PAX7: variants seen among roughly 807,000 people sequenced by gnomAD.
PAX7 encodes paired box 7.
In PAX7, 18 loss-of-function variants were observed where a neutral mutation model predicts 50.7. The ratio of observed to expected loss-of-function variants is 0.36; its 90% confidence interval spans 0.25 to 0.53. The LOEUF (loss-of-function observed/expected upper bound fraction) is 0.53. PAX7 is among the 20% of genes least tolerant of loss of function. The pLI is 0.93. For missense variants in PAX7, 644 were observed against 702.9 expected (o/e 0.92, Z 0.95); for synonymous variants, 310 against 290.4 (o/e 1.07, Z -0.69).
intron 7 of PAX7, among the ~76,000 whole-genome samples, chr1:18,711,361 C>A (rs780478121): frequency 3.9e-5 from 6 of 152,132 alleles, no homozygotes; most frequent in Non-Finnish European, 5.9e-5. Flanking sequence ...AATGTGCCCT[C>A]GTCACACCCC....
chr1:18,733,284 A>G (rs1479406877), intron 7 of PAX7, among the ~76,000 whole-genome samples: 1 of 152,122 alleles, frequency 6.6e-6, no homozygotes, highest in Non-Finnish European at 1.5e-5. Context: ...CCCGACCACA[A>G]CAAAGATCTC....
intron 4 of PAX7, among the ~76,000 whole-genome samples, chr1:18,674,355 G>A (rs964870200): frequency 1.9e-4 from 29 of 152,288 alleles, no homozygotes; most frequent in African/African-American, 6.3e-4. Flanking sequence ...ATACTATGAC[G>A]GCTCTTTCTC....
At chr1:18,662,146 G>A (rs1033757629) in intron 4 of PAX7, among the ~76,000 whole-genome samples, 6 of 152,052 alleles carry the variant, frequency 3.9e-5, no homozygotes, top group South Asian at 2.1e-4. Context: ...TGAGGGGGGC[G>A]AGGAGGCAGC....
At chr1:18,701,893 G>T (rs1335248513) in intron 6 of PAX7, among the ~76,000 whole-genome samples, 2 of 152,188 alleles carry the variant, frequency 1.3e-5, no homozygotes, top group Non-Finnish European at 2.9e-5. Context: ...GGCCTTGGGA[G>T]AGGAAAGGAA....
At chr1:18,648,219 C>T (rs1435482085) in intron 4 of PAX7, among the ~76,000 whole-genome samples, 4 of 151,956 alleles carry the variant, frequency 2.6e-5, no homozygotes, top group Non-Finnish European at 5.9e-5. Flanking sequence ...CCCTCCCCAA[C>T]CACAGCTGTT....
chr1:18,697,109 T>C (rs16862170), intron 5 of PAX7, among the ~76,000 whole-genome samples: 2,406 of 152,306 alleles, frequency 0.016, 92 homozygotes, highest in Admixed American at 0.095. Flanking sequence ...AACCCAAGTC[T>C]ATCTGCTCAG....
At chr1:18,701,509 AT>A (rs3833995) in intron 6 of PAX7, among the ~76,000 whole-genome samples, 61 of 146,336 alleles carry the variant, frequency 4.2e-4, no homozygotes, top group South Asian at 6.4e-4. Flanking sequence ...TGTTGGAATC[AT>A]TTTTTTTTTT....
At chr1:18,736,036 C>A in intron 8 of PAX7, 158 bp downstream of exon 8, 1 of 1,501,360 alleles carries the variant, frequency 6.7e-7, no homozygotes, top group Non-Finnish European at 9.2e-7. Context: ...AACAGTTCAC[C>A]TAAAATGACA....
chr1:18,658,515 G>A (rs1202958732), intron 4 of PAX7, among the ~76,000 whole-genome samples: 3 of 152,226 alleles, frequency 2.0e-5, no homozygotes, highest in African/African-American at 7.2e-5. Context: ...CATGATGGAA[G>A]GGAAAGTGAG....
At chr1:18,668,608 G>A (rs927748464) in intron 4 of PAX7, among the ~76,000 whole-genome samples, 1 of 152,176 alleles carries the variant, frequency 6.6e-6, no homozygotes, top group African/African-American at 2.4e-5. Context: ...GGAGGCTAAG[G>A]TGGGAGGATG....
intron 4 of PAX7, among the ~76,000 whole-genome samples, chr1:18,670,016 G>A (rs2088720447): frequency 6.7e-6 from 1 of 148,278 alleles, no homozygotes. Flanking sequence ...CCAGGAGGCA[G>A]AGGTTGCAGT....
At chr1:18,731,583 A>G (rs760550684) in intron 7 of PAX7, among the ~76,000 whole-genome samples, 2 of 151,988 alleles carry the variant, frequency 1.3e-5, no homozygotes, top group Non-Finnish European at 2.9e-5. Flanking sequence ...TGTGGTCTTC[A>G]TCAGTGAGTG....
intron 4 of PAX7, among the ~76,000 whole-genome samples, chr1:18,686,029 C>T (rs552142456): frequency 5.9e-5 from 9 of 152,338 alleles, no homozygotes; most frequent in Admixed American, 2.6e-4. Context: ...CAGCACCTTC[C>T]GCCCCTCATT....
At chr1:18,742,315 G>A (rs187789498) in intron 8 of PAX7, among the ~76,000 whole-genome samples, 17 of 152,036 alleles carry the variant, frequency 1.1e-4, no homozygotes, top group South Asian at 2.1e-4. Context: ...GCGCCACCAC[G>A]TCCGGCTAAT....
chr1:18,645,688 T>A (rs945737346), intron 4 of PAX7, among the ~76,000 whole-genome samples: 1 of 152,208 alleles, frequency 6.6e-6, no homozygotes, highest in Non-Finnish European at 1.5e-5. Flanking sequence ...TGAACACTTT[T>A]GCAGGGAGAT....
At chr1:18,631,716 C>G in intron 1 of PAX7, 28 bp downstream of exon 1, 1 of 1,574,492 alleles carries the variant, frequency 6.4e-7, no homozygotes, top group Non-Finnish European at 8.7e-7. Context: ...GGCCTCGCCG[C>G]GACTCCGCCG....
chr1:18,699,034 G>A (rs1284938445), intron 5 of PAX7, among the ~76,000 whole-genome samples: 3 of 152,208 alleles, frequency 2.0e-5, no homozygotes, highest in Non-Finnish European at 4.4e-5. Context: ...CACCAACCAA[G>A]CCTTGTAGCC....
At chr1:18,672,328 TC>T (rs1459921864) in intron 4 of PAX7, among the ~76,000 whole-genome samples, 1 of 152,128 alleles carries the variant, frequency 6.6e-6, no homozygotes, top group African/African-American at 2.4e-5. Flanking sequence ...GCCATCCCCT[TC>T]CCCCATCTCT....
At chr1:18,651,821 G>GCC (rs1186782004) in intron 4 of PAX7, among the ~76,000 whole-genome samples, 2 of 19,268 alleles carry the variant, frequency 1.0e-4, no homozygotes, top group East Asian at 3.0e-3. Flanking sequence ...TCCCCTCCCC[G>GCC]CCCCCCCCAC....
Sources: allele counts gnomAD v4.1 joint callset (sites outside exome capture counted in the v4.1 genomes callset), GRCh38; gene constraint gnomAD v4.1.1; transcripts MANE v1.5; gene names NCBI Gene and HGNC (gene_info 2026-07-23, HGNC 2026-07-21).